The following LAMA2 variants were observed in gnomAD, a reference collection of about 807,000 sequenced individuals.
The protein encoded by LAMA2 is laminin subunit alpha 2, also known as laminin subunit alpha-2.
A neutral mutation model predicts 364.8 loss-of-function variants in LAMA2; 269 were observed. That is an observed-to-expected ratio of 0.74 (90% CI 0.67 to 0.82). The LOEUF (loss-of-function observed/expected upper bound fraction) is 0.82. Ranked by LOEUF, LAMA2 falls within the 40% of genes least tolerant of loss-of-function variation. The probability of loss-of-function intolerance (pLI) is 0.00; values close to 1 mark genes in which losing one functional copy is unlikely to be tolerated. For missense variants in LAMA2, 3,807 were observed against 3,873.2 expected (o/e 0.98, Z 0.45); for synonymous variants, 1,379 against 1,370.6 (o/e 1.01, Z -0.14).
intron 1 of LAMA2, among the ~76,000 whole-genome samples, chr6:128,987,122 G>GTTT (rs1562897084): frequency 2.9e-5 from 3 of 104,100 alleles, no homozygotes; most frequent in African/African-American, 1.3e-4. Context: ...CTTTAGGATA[G>GTTT]TTTGTTTTTT....
intron 1 of LAMA2, among the ~76,000 whole-genome samples, chr6:129,010,512 T>C (rs898649002): frequency 2.0e-5 from 3 of 152,214 alleles, no homozygotes; most frequent in Admixed American, 1.3e-4. Context: ...TTAAAAACTT[T>C]CATGATGTAT....
rs543014436 is a variant in LAMA2, at chr6:129,116,331, T to C, written c.639+17916T>C. On this transcript the variant is annotated intron_variant, in intron 4 of 64. Coordinates refer to ENST00000421865, the MANE Select transcript of LAMA2 (RefSeq NM_000426.4). ...AAAGTTGTTCAAAATGTTTTTAGAA[T>C]TTTTCTTGGAGTTGATTGCTTTTAT... Among the ~76,000 whole-genome samples the C allele has an allele frequency of 4.6e-5, 7 of 152,264 alleles. No homozygotes were observed. In the South Asian group the frequency reaches 1.2e-3, roughly 27 times the overall value.
At chr6:129,060,235 T>G (rs552404732) in intron 3 of LAMA2, among the ~76,000 whole-genome samples, 3 of 152,340 alleles carry the variant, frequency 2.0e-5, no homozygotes, top group Non-Finnish European at 4.4e-5. Context: ...ACTTTTAAAA[T>G]AATACATTGC....
At chr6:129,363,425 G>T (rs940369993) in intron 32 of LAMA2, among the ~76,000 whole-genome samples, 1 of 152,176 alleles carries the variant, frequency 6.6e-6, no homozygotes, top group African/African-American at 2.4e-5. Context: ...ATGTTCATGT[G>T]ATTCCAATGG....
At chr6:129,116,792 A>G (rs572573741) in intron 4 of LAMA2, among the ~76,000 whole-genome samples, 20 of 152,134 alleles carry the variant, frequency 1.3e-4, no homozygotes, top group Admixed American at 3.9e-4. Context: ...CTGGTTTTTT[A>G]CTATTTTTCT....
chr6:129,302,879 T>C (rs1773632643), intron 22 of LAMA2, among the ~76,000 whole-genome samples: 1 of 152,174 alleles, frequency 6.6e-6, no homozygotes, highest in Admixed American at 6.5e-5. Context: ...AGTCATAAAA[T>C]CAGGTATTGT....
At chr6:129,442,888 T>C in intron 43 of LAMA2, 175 bp from the exon 44 acceptor site, 1 of 577,112 alleles carries the variant, frequency 1.7e-6, no homozygotes, top group Non-Finnish European at 3.0e-6. Flanking sequence ...AAATTATATA[T>C]TTTGTGTACT....
At chr6:129,477,962 G>A (rs1784155475) in intron 53 of LAMA2, among the ~76,000 whole-genome samples, 2 of 149,538 alleles carry the variant, frequency 1.3e-5, no homozygotes, top group African/African-American at 4.9e-5. Flanking sequence ...TTTTTTTGGA[G>A]GGGAGGGCAA....
intron 42 of LAMA2, among the ~76,000 whole-genome samples, chr6:129,439,672 T>G (rs1219079070): frequency 6.6e-6 from 1 of 152,024 alleles, no homozygotes; most frequent in East Asian, 1.9e-4. Context: ...TTAAAGATAC[T>G]ACTTTTACTA....
intron 17 of LAMA2, among the ~76,000 whole-genome samples, chr6:129,278,162 A>G (rs543756398): frequency 9.3e-4 from 142 of 152,310 alleles, no homozygotes; most frequent in African/African-American, 3.2e-3. Flanking sequence ...AGATTGCACC[A>G]CTGCACTCCA....
chr6:129,308,457 G>A (rs1471007213), intron 22 of LAMA2, among the ~76,000 whole-genome samples: 1 of 152,020 alleles, frequency 6.6e-6, no homozygotes, highest in Non-Finnish European at 1.5e-5. Context: ...TATAAATCAG[G>A]ATAAAATACA....
At chr6:129,198,665 G>T (rs1781992810) in intron 12 of LAMA2, among the ~76,000 whole-genome samples, 1 of 151,958 alleles carries the variant, frequency 6.6e-6, no homozygotes, top group South Asian at 2.1e-4. Context: ...GTAAAAATGG[G>T]CATAACTGCA....
intron 22 of LAMA2, among the ~76,000 whole-genome samples, chr6:129,311,667 C>T (rs1045104054): frequency 2.0e-5 from 3 of 152,286 alleles, no homozygotes; most frequent in Non-Finnish European, 4.4e-5. Flanking sequence ...TTTAGAAATT[C>T]ACTTGGCATT....
intron 35 of LAMA2, among the ~76,000 whole-genome samples, chr6:129,389,612 C>T (rs535980765): frequency 9.9e-5 from 15 of 152,136 alleles, no homozygotes; most frequent in Non-Finnish European, 1.6e-4. Context: ...GAAGAAAAGA[C>T]GTATAAATTG....
chr6:129,225,548 A>G (rs143208989), intron 12 of LAMA2, among the ~76,000 whole-genome samples: 1,973 of 152,134 alleles, frequency 0.013, 44 homozygotes, highest in African/African-American at 0.045. Context: ...TGTTCTCATT[A>G]GTTTCAAAGA....
chr6:128,915,893 C>G (rs1219059958), intron 1 of LAMA2, among the ~76,000 whole-genome samples: 5 of 152,002 alleles, frequency 3.3e-5, no homozygotes, highest in Non-Finnish European at 7.4e-5. Context: ...ATTAGTCTAC[C>G]AACTATTAAT....
At chr6:128,960,072 A>G (rs755226064) in intron 1 of LAMA2, among the ~76,000 whole-genome samples, 9 of 152,056 alleles carry the variant, frequency 5.9e-5, no homozygotes, top group Admixed American at 1.3e-4. Context: ...CCTATCTTAT[A>G]TATGTGATCA....
At chr6:128,945,281 C>G (rs550192556) in intron 1 of LAMA2, among the ~76,000 whole-genome samples, 8 of 152,098 alleles carry the variant, frequency 5.3e-5, no homozygotes, top group African/African-American at 1.4e-4. Context: ...AAACCTTGAC[C>G]TATGAAAAAA....
At chr6:129,167,198 A>T (rs1779801777) in intron 9 of LAMA2, among the ~76,000 whole-genome samples, 1 of 152,028 alleles carries the variant, frequency 6.6e-6, no homozygotes, top group Non-Finnish European at 1.5e-5. Context: ...TTTAGGGTAC[A>T]TGTGCACAAT....
Sources: gnomAD v4.1 joint callset for allele counts (sites outside exome capture counted in the v4.1 genomes callset) on GRCh38, gnomAD v4.1.1 for gene constraint, MANE v1.5 for transcripts, NCBI Gene and HGNC (gene_info 2026-07-23, HGNC 2026-07-21) for gene names.